DEFB110: variants seen among roughly 807,000 people sequenced by gnomAD.
The protein encoded by DEFB110 is beta-defensin 110.
Under a neutral mutation model 2.5 loss-of-function variants are expected in DEFB110, and 4 were observed. The ratio of observed to expected loss-of-function variants is 1.60; its 90% CI spans 0.79 to 3.66. The LOEUF (loss-of-function observed/expected upper bound fraction) is 3.66, where lower values mean the gene tolerates loss of function less well. Among genes scored for constraint, DEFB110 ranks in the 30% most tolerant of loss-of-function variants. The pLI is 0.01. For synonymous variants in DEFB110, 29 were observed against 21.8 expected (o/e 1.33, Z -0.92); for missense variants, 94 against 75.4 (o/e 1.25, Z -0.91).
At chr6:50,011,602 C>T (rs1033168003) in intron 1 of DEFB110, among the ~76,000 whole-genome samples, 1 of 152,012 alleles carries the variant, frequency 6.6e-6, no homozygotes. Flanking sequence ...GCGCAGTGGT[C>T]TCCATGACTC....
Position 50,019,107 on chromosome 6 carries a change from T to G in DEFB110, c.74A>C (p.Glu25Ala), listed in dbSNP as rs770230348. The G allele has an allele frequency of 1.2e-6, 2 of 1,612,176 alleles. No homozygotes were observed. Among genetic ancestry groups the G allele is most frequent in the South Asian group, 2.2e-5 (2 of 90,778 alleles). ...TILPAKKKYP[E>A]YGSLDLRREC... ...TCTCCTCAAGTCCAAGCTACCATAC[T>G]CAGGATATTTCTTTTTGGCTGTAAG... The change falls in exon 2 of 2, where the codon GAG becomes GCG. Residue 25 changes from glutamate (E) to alanine (A), a missense_variant. Glu to Ala is a moderately radical substitution (Grantham distance 107). Coordinates refer to ENST00000371148, the MANE Select transcript of DEFB110 (RefSeq NM_001037497.2).
At chr6:50,013,071 AT>A (rs1774252570) in intron 1 of DEFB110, among the ~76,000 whole-genome samples, 1 of 151,858 alleles carries the variant, frequency 6.6e-6, no homozygotes, top group African/African-American at 2.4e-5. Context: ...TAGGTTTCAG[AT>A]TCTTTTCTAA....
At chr6:50,016,258 A>G (rs747667064), downstream of DEFB110, among the ~76,000 whole-genome samples, 17 of 151,816 alleles carry the variant, frequency 1.1e-4, no homozygotes, top group Non-Finnish European at 2.2e-4. Flanking sequence ...AATGCTTTTA[A>G]TTGATTCATA....
At chr6:50,016,629 C>T (rs1774321228), downstream of DEFB110, among the ~76,000 whole-genome samples, 1 of 151,446 alleles carries the variant, frequency 6.6e-6, no homozygotes, top group African/African-American at 2.4e-5. Context: ...ACACCTTTAT[C>T]TTTTTAAGGA....
intron 1 of DEFB110, among the ~76,000 whole-genome samples, chr6:50,020,312 T>G (rs1285907097): frequency 6.6e-6 from 1 of 152,128 alleles, no homozygotes; most frequent in African/African-American, 2.4e-5. Context: ...GTTTGATTGG[T>G]TATGTGATCT....
Position 50,018,914 on chromosome 6 carries a change from T to A in DEFB110, c.*63A>T. On this transcript the variant is annotated 3_prime_UTR_variant, in exon 2 of 2. Coordinates refer to ENST00000371148, the MANE Select transcript of DEFB110 (RefSeq NM_001037497.2). ...GACACACACGCCTTGAAGGATGTGC[T>A]GGGAAAACTTAATAACGCTGGTCTC... 1 of 1,541,038 alleles carries A rather than the reference T, an allele frequency of 6.5e-7. No individual in the cohort carries two copies. The highest frequency in any genetic ancestry group is 1.3e-5 in the South Asian group (1 of 78,762).
At chr6:50,015,516 C>T (rs1774301645), downstream of DEFB110, among the ~76,000 whole-genome samples, 1 of 151,714 alleles carries the variant, frequency 6.6e-6, no homozygotes. Context: ...TCCAGGTATG[C>T]TCTTATGAAC....
intron 1 of DEFB110, among the ~76,000 whole-genome samples, chr6:50,012,257 A>G (rs543608022): frequency 2.2e-4 from 34 of 152,062 alleles, no homozygotes; most frequent in African/African-American, 8.2e-4. Context: ...CTATAGTTAA[A>G]CCACAAAATT....
At chr6:50,013,602 A>C (rs935228914) in intron 1 of DEFB110, among the ~76,000 whole-genome samples, 1 of 151,822 alleles carries the variant, frequency 6.6e-6, no homozygotes, top group Non-Finnish European at 1.5e-5. Flanking sequence ...TCTATGTCAA[A>C]GTTTATTAAA....
downstream of DEFB110, among the ~76,000 whole-genome samples, chr6:50,018,507 T>C (rs546645230): frequency 6.6e-6 from 1 of 152,104 alleles, no homozygotes; most frequent in Admixed American, 6.6e-5. Context: ...ACAATAAAGA[T>C]CTGCCCTCTC....
At chr6:50,015,022 G>A (rs545708561), downstream of DEFB110, among the ~76,000 whole-genome samples, 4 of 151,628 alleles carry the variant, frequency 2.6e-5, no homozygotes, top group African/African-American at 7.3e-5. Context: ...TGGATCAATC[G>A]TCCAACCAAA....
chr6:50,016,014 T>C (rs1431535179), downstream of DEFB110, among the ~76,000 whole-genome samples: 3 of 151,770 alleles, frequency 2.0e-5, no homozygotes, highest in Non-Finnish European at 4.4e-5. Context: ...AATTTTTCAA[T>C]CTCCAAATCC....
At chr6:50,015,595 T>C (rs1774302684), downstream of DEFB110, among the ~76,000 whole-genome samples, 1 of 151,846 alleles carries the variant, frequency 6.6e-6, no homozygotes, top group South Asian at 2.1e-4. Context: ...CCCAGGATTG[T>C]GGGCTACTAC....
At chr6:50,010,774 T>C (rs1774213484) in intron 1 of DEFB110, among the ~76,000 whole-genome samples, 1 of 151,694 alleles carries the variant, frequency 6.6e-6, no homozygotes, top group Non-Finnish European at 1.5e-5. Flanking sequence ...CATATACTTT[T>C]TGTAACTGTT....
At position 50,019,124 on chromosome 6, in the gene DEFB110, G is replaced by C; in HGVS notation, c.57C>G (p.Ala19=). The C allele has an allele frequency of 6.2e-7, 1 of 1,610,422 alleles. No individual in the cohort carries two copies. Among genetic ancestry groups the C allele is most frequent in the Non-Finnish European group, 8.5e-7 (1 of 1,178,388 alleles). Residue 19 remains alanine (A), a splice_region_variant and synonymous_variant, in exon 2 of 2, where the codon GCC becomes GCG. Transcript: ENST00000371148. ...TACCATACTCAGGATATTTCTTTTT[G>C]GCTGTAAGAAGGGAAGAATGACTAA... The part of the protein sequence containing the change: ...ILHFWVTILP[A]KKKYPEYGSL...
intron 1 of DEFB110, among the ~76,000 whole-genome samples, chr6:50,012,246 G>C (rs574890480): frequency 2.4e-4 from 36 of 151,876 alleles, no homozygotes; most frequent in African/African-American, 8.4e-4. Flanking sequence ...ATGGCTTTTT[G>C]CTATAGTTAA....
At chr6:50,016,510 C>A (rs1774319231), downstream of DEFB110, among the ~76,000 whole-genome samples, 1 of 151,746 alleles carries the variant, frequency 6.6e-6, no homozygotes, top group Admixed American at 6.6e-5. Context: ...AATGTATCAG[C>A]AAGAAAATCA....
intron 1 of DEFB110, among the ~76,000 whole-genome samples, chr6:50,021,243 C>T (rs1774413859): frequency 6.6e-6 from 1 of 152,072 alleles, no homozygotes; most frequent in African/African-American, 2.4e-5. Context: ...GGGGCTGTTC[C>T]ATGCATTGTA....
At chr6:50,013,490 T>C (rs1298195589) in intron 1 of DEFB110, among the ~76,000 whole-genome samples, 2 of 151,816 alleles carry the variant, frequency 1.3e-5, no homozygotes, top group African/African-American at 2.4e-5. Flanking sequence ...AGGAGTTGAA[T>C]ATTATCATGA....
Sources: allele counts gnomAD v4.1 joint callset (sites outside exome capture counted in the v4.1 genomes callset), GRCh38; gene constraint gnomAD v4.1.1; transcripts MANE v1.5; gene names NCBI Gene and HGNC (gene_info 2026-07-23, HGNC 2026-07-21).